Variants in PCDHGB6 observed in about 807,000 individuals in gnomAD.
PCDHGB6 encodes the protein protocadherin gamma subfamily B, 6.
A neutral mutation model predicts 59.1 loss-of-function variants in PCDHGB6; 51 were observed. The observed-to-expected ratio is 0.86, with a 90% CI of 0.69 to 1.09. The LOEUF (loss-of-function observed/expected upper bound fraction) is 1.09, where lower values mean the gene tolerates loss of function less well. Among genes scored for constraint, PCDHGB6 ranks in the 50% least tolerant of loss-of-function variants. The probability of loss-of-function intolerance (pLI) is 0.00; values close to 1 mark genes in which losing one functional copy is unlikely to be tolerated. For synonymous variants in PCDHGB6, 466 were observed against 495.1 expected, an observed-to-expected ratio of 0.94 and a Z score of 0.78; for missense variants, 1,148 against 1,205.1, an observed-to-expected ratio of 0.95 and a Z score of 0.70.
intron 3 of PCDHGB6, among the ~76,000 whole-genome samples, chr5:141,507,802 T>G (rs886950696): frequency 6.6e-6 from 1 of 152,204 alleles, no homozygotes; most frequent in African/African-American, 2.4e-5. Context: ...GCCTGCGCCC[T>G]GGGGAACGGA....
In PCDHGB6 at chr5:141,409,804, C is replaced by T. The variant is rs766279863; in HGVS notation, c.1602C>T (p.Ala534=). 1 of 1,611,772 alleles carries T rather than the reference C, an allele frequency of 6.2e-7. No homozygotes were observed. The highest frequency in any genetic ancestry group is 1.1e-5 in the South Asian group (1 of 90,876). Residue 534 remains alanine (A), a synonymous_variant, in exon 1 of 4, where the codon GCC becomes GCT. Transcript: ENST00000520790. ...GCGCCTTCGCGCTCACGCTGCAGGC[C>T]CGCGACCACGGCTCGCCCACGCTCA... The part of the protein sequence containing the change: ...QLRAFALTLQ[A]RDHGSPTLSA...
chr5:141,428,111 C>G (rs760446304), intron 1 of PCDHGB6: 2 of 1,607,622 alleles, frequency 1.2e-6, no homozygotes, highest in Non-Finnish European at 1.7e-6. Context: ...TGCTGCAGGC[C>G]ATCGAGCCCG....
rs751976949 is a variant in PCDHGB6, at chr5:141,414,873, C to A, written c.2418+4253C>A. The A allele has an allele frequency of 6.2e-6, 10 of 1,614,108 alleles. No homozygotes were observed. The Admixed American group carries it at 1.2e-4, about 19-fold the overall frequency. ...ACCAGAACGACAATGCGCCCGAGAT[C>A]CTGTACCCCGCCCTCCCCACAGACG... On this transcript the variant is annotated intron_variant, in intron 1 of 3. Transcript: ENST00000520790.
intron 1 of PCDHGB6, chr5:141,418,398 T>C (rs754177868): frequency 6.2e-7 from 1 of 1,613,842 alleles, no homozygotes; most frequent in South Asian, 1.1e-5. Flanking sequence ...TATTTCTCAT[T>C]GGTGGAGAAA....
Position 141,485,096 on chromosome 5 carries a change from C to T in PCDHGB6, c.2419-9711C>T, listed in dbSNP as rs1166994104. On this transcript the variant is annotated intron_variant, in intron 1 of 3. Coordinates refer to ENST00000520790, the MANE Select transcript of PCDHGB6 (RefSeq NM_018926.3). This position sits in a 1 kb window ranked among gnomAD's most constrained non-coding sequence, Gnocchi z 5.7. The stretch of plus-strand genomic sequence containing the variant: ...CGCGGGGAAAGGGAGATAGGTGTCT[C>T]CAGCTGCTGTGGCTGTTTGGGGCGG... The T allele has an allele frequency of 1.8e-6, 2 of 1,125,566 alleles. No homozygotes were observed. The highest frequency in any genetic ancestry group is 3.1e-5 in the African/African-American group (2 of 64,908). 69.7% of individuals were successfully genotyped at this position (1,125,566 alleles called of 1,614,324 possible).
chr5:141,496,992 C>T (rs1055856428), intron 2 of PCDHGB6, among the ~76,000 whole-genome samples: 2 of 151,918 alleles, frequency 1.3e-5, no homozygotes, highest in African/African-American at 2.4e-5. Context: ...TTGAGACCAG[C>T]CTGGCAGCCA....
At chr5:141,498,581 C>A (rs1281809549) in intron 2 of PCDHGB6, among the ~76,000 whole-genome samples, 1 of 152,104 alleles carries the variant, frequency 6.6e-6, no homozygotes, top group East Asian at 1.9e-4. Flanking sequence ...GTATTGAGTT[C>A]TTCAGTAAAC....
At chr5:141,433,031 T>G (rs2097561851) in intron 1 of PCDHGB6, 2 of 1,614,088 alleles carry the variant, frequency 1.2e-6, no homozygotes, top group Non-Finnish European at 8.5e-7. Flanking sequence ...CCACGAGGTT[T>G]CCCTCACCAC....
intron 1 of PCDHGB6, chr5:141,421,848 T>C (rs571838248): frequency 4.9e-5 from 79 of 1,613,634 alleles, no homozygotes; most frequent in Non-Finnish European, 6.0e-5. Flanking sequence ...AGAAAGAGGC[T>C]GCTCACCTGC....
intron 1 of PCDHGB6, chr5:141,412,158 G>A (rs188069449): frequency 1.3e-5 from 2 of 152,324 alleles, no homozygotes; most frequent in East Asian, 3.9e-4. Context: ...CCTAAGAGAA[G>A]AGATTATTTA....
rs1378140695 is a variant in PCDHGB6, at chr5:141,485,189, A to G, written c.2419-9618A>G. On this transcript the variant is annotated intron_variant, in intron 1 of 3. Transcript: ENST00000520790. The surrounding 1 kb of genome is among the most constrained non-coding windows in gnomAD (Gnocchi z 5.7). ...GGCGGCAGCAATGCTCCGCAAGGTGAGAAGCTGGACAGAAATCTGGCGGTG... is the reference window on the plus strand; with the variant it reads ...GGCGGCAGCAATGCTCCGCAAGGTGGGAAGCTGGACAGAAATCTGGCGGTG... 1 of 1,613,726 alleles carries G rather than the reference A, an allele frequency of 6.2e-7. No homozygotes were observed. The highest frequency in any genetic ancestry group is 1.7e-5 in the Admixed American group (1 of 60,020).
intron 1 of PCDHGB6, among the ~76,000 whole-genome samples, chr5:141,436,010 A>G (rs1188507054): frequency 6.6e-6 from 1 of 152,168 alleles, no homozygotes; most frequent in Non-Finnish European, 1.5e-5. Context: ...AAGTATTTGA[A>G]TTTATCTAAA....
intron 1 of PCDHGB6, 181 bp downstream of exon 1, chr5:141,410,801 A>T: frequency 3.4e-6 from 2 of 587,936 alleles, no homozygotes; most frequent in South Asian, 3.5e-5. Context: ...AAGTTGCTCT[A>T]TCTTTTTGTA....
chr5:141,505,317 G>A, intron 2 of PCDHGB6, 76 bp from the exon 3 acceptor site: 1 of 1,603,092 alleles, frequency 6.2e-7, no homozygotes, highest in Non-Finnish European at 8.5e-7. Flanking sequence ...AGGTTTGGGA[G>A]CCCTGGGAGA....
intron 1 of PCDHGB6, chr5:141,418,530 G>A (rs370822103): frequency 5.0e-6 from 8 of 1,613,834 alleles, no homozygotes; most frequent in Non-Finnish European, 6.8e-6. Context: ...CCCCGAAGCG[G>A]TACTGCTCAG....
At chr5:141,422,871 G>C in intron 1 of PCDHGB6, 3 of 1,614,216 alleles carry the variant, frequency 1.9e-6, no homozygotes, top group South Asian at 1.1e-5. Flanking sequence ...GCAACGTGTC[G>C]CTGAGCCTGT....
chr5:141,499,073 G>T (rs2099789305), intron 2 of PCDHGB6, among the ~76,000 whole-genome samples: 1 of 152,064 alleles, frequency 6.6e-6, no homozygotes, highest in Admixed American at 6.5e-5. Flanking sequence ...CTTACATTCT[G>T]AAGTTCCTGC....
At chr5:141,463,583 G>A (rs1444995569) in intron 1 of PCDHGB6, among the ~76,000 whole-genome samples, 1 of 151,598 alleles carries the variant, frequency 6.6e-6, no homozygotes, top group African/African-American at 2.4e-5. Flanking sequence ...CGAGTAGCTG[G>A]GACTACAGGT....
rs544565104 is a variant in PCDHGB6, at chr5:141,489,014, G to A, written c.2419-5793G>A. 2.5e-5 allele frequency: 11 copies of A among 433,976 alleles called. No individual in the cohort carries two copies. The highest frequency in any genetic ancestry group is 1.6e-4 in the Admixed American group (4 of 25,754). The allele number at this position is 433,976 out of a possible 1,614,324, so 26.9% of individuals were successfully genotyped here. On this transcript the variant is annotated intron_variant, in intron 1 of 3. Coordinates refer to ENST00000520790, the MANE Select transcript of PCDHGB6 (RefSeq NM_018926.3). This position sits in a 1 kb window ranked among gnomAD's most constrained non-coding sequence, Gnocchi z 4.5. ...GGTGGGAGATCTGCTCTTCCAGCCC[G>A]CCTCTCCTCCTCCAGCTCCCCAGCT... is the stretch of plus-strand genomic sequence containing the variant.
Sources: gnomAD v4.1 joint callset for allele counts (sites outside exome capture counted in the v4.1 genomes callset) on GRCh38, gnomAD v4.1.1 for gene constraint, Gnocchi (gnomAD v3.1) non-coding constraint, MANE v1.5 for transcripts, NCBI Gene and HGNC (gene_info 2026-07-23, HGNC 2026-07-21) for gene names.